KMT2E: variants seen among roughly 807,000 people sequenced by gnomAD.
KMT2E encodes the protein histone reader KMT2E.
Under a neutral mutation model 184.6 loss-of-function variants are expected in KMT2E, and 30 were observed. That is an observed-to-expected ratio of 0.16 (90% confidence interval 0.12 to 0.22). The LOEUF (loss-of-function observed/expected upper bound fraction) is 0.22. KMT2E is among the 10% of genes least tolerant of loss of function. The pLI, the probability that KMT2E is intolerant of heterozygous loss-of-function variation, is 1.00. For synonymous variants in KMT2E, 815 were observed against 776.5 expected, an observed-to-expected ratio of 1.05 and a Z score of -0.82; for missense variants, 2,023 against 2,237.4, an observed-to-expected ratio of 0.90 and a Z score of 1.93.
Position 105,040,912 on chromosome 7 carries a change from A to C in KMT2E, c.-41A>C, listed in dbSNP as rs763720103. The C allele has an allele frequency of 2.0e-6, 3 of 1,504,600 alleles. No individual in the cohort carries two copies. In the South Asian group the frequency reaches 3.4e-5, roughly 17 times the overall value. The allele number at this position is 1,504,600 out of a possible 1,614,324, so 93.2% of individuals were successfully genotyped here. A position where few individuals can be genotyped will look rare whatever the true frequency, so the allele number is the denominator to read the frequency against. ...GCCCCAGTGTTTTGGATACCAATGCATAGGACTCCATAGTAATCGAATTTA... is the reference window on the plus strand; with the variant it reads ...GCCCCAGTGTTTTGGATACCAATGCCTAGGACTCCATAGTAATCGAATTTA... On this transcript the variant is annotated 5_prime_UTR_variant, in exon 3 of 27. Coordinates refer to ENST00000311117, the MANE Select transcript of KMT2E (RefSeq NM_182931.3).
chr7:105,020,092 A>C (rs1425429504), intron 1 of KMT2E, among the ~76,000 whole-genome samples: 1 of 147,428 alleles, frequency 6.8e-6, no homozygotes, highest in African/African-American at 2.5e-5. Flanking sequence ...TGGGCGATAG[A>C]GTGAGACTCT....
chr7:105,033,004 G>C (rs1192551755), intron 1 of KMT2E, among the ~76,000 whole-genome samples: 1 of 152,188 alleles, frequency 6.6e-6, no homozygotes, highest in Non-Finnish European at 1.5e-5. Context: ...ATAGGTGAGA[G>C]GGTGTACAGG....
intron 5 of KMT2E, chr7:105,063,784 AC>A: frequency 1.8e-6 from 1 of 551,060 alleles, no homozygotes; most frequent in Non-Finnish European, 3.2e-6. Flanking sequence ...TGAGTAATAG[AC>A]AGTCAGTTCT....
rs1219590013 is a variant in KMT2E, at chr7:105,109,192, C to G, written c.3719C>G (p.Ala1240Gly). 1 of 1,613,890 alleles carries G rather than the reference C, an allele frequency of 6.2e-7. No homozygotes were observed. Among genetic ancestry groups the G allele is most frequent in the Non-Finnish European group, 8.5e-7 (1 of 1,179,962 alleles). Reference protein sequence around the residue: ...ETSNNCPVKDATASEKNEPEV... With the variant: ...ETSNNCPVKDGTASEKNEPEV... ...AGCAATAACTGCCCTGTTAAGGATG[C>G]TACTGCTAGTGAGAAGAATGAACCA... is the stretch of plus-strand genomic sequence containing the variant. Residue 1240 changes from alanine (A) to glycine (G), a missense_variant, in exon 23 of 27, where the codon GCT becomes GGT. Transcript: ENST00000311117.
intron 13 of KMT2E, among the ~76,000 whole-genome samples, chr7:105,088,998 G>A (rs1753090224): frequency 6.6e-6 from 1 of 152,094 alleles, no homozygotes; most frequent in Non-Finnish European, 1.5e-5. Flanking sequence ...TCTTATGTAG[G>A]TCACATTTCA....
chr7:105,062,351 G>T, intron 4 of KMT2E, 73 bp downstream of exon 4: 1 of 879,386 alleles, frequency 1.1e-6, no homozygotes, highest in East Asian at 2.6e-5. Context: ...GTGATACTGT[G>T]CTTGAAACGG....
rs886841755 is a variant in KMT2E, at chr7:105,014,453, C to T, written c.-271C>T. 2.0e-5 allele frequency: 3 copies of T among 153,192 alleles called. No homozygotes were observed. Among genetic ancestry groups the T allele is most frequent in the African/African-American group, 7.3e-5 (3 of 41,300 alleles). The allele number at this position is 153,192 out of a possible 1,614,324, so 9.5% of individuals were successfully genotyped here. ...TCCGCAGTGGCTGCTGTCGGGGGGT[C>T]GCCTGTTCGCGGAGGTGCGGAGAGA... On this transcript the variant is annotated 5_prime_UTR_variant, in exon 1 of 27. Coordinates refer to ENST00000311117, the MANE Select transcript of KMT2E (RefSeq NM_182931.3).
At chr7:105,033,882 G>A (rs944372229) in intron 1 of KMT2E, among the ~76,000 whole-genome samples, 1 of 152,150 alleles carries the variant, frequency 6.6e-6, no homozygotes, top group African/African-American at 2.4e-5. Context: ...AATCAAAAGG[G>A]AAATGGGCAC....
At chr7:105,076,002 A>G (rs190973716) in intron 8 of KMT2E, 41 bp from the exon 9 acceptor site, 1 of 1,467,504 alleles carries the variant, frequency 6.8e-7, no homozygotes, top group South Asian at 1.2e-5. Context: ...AATTATGTCC[A>G]GTTTTTTAGG....
intron 3 of KMT2E, among the ~76,000 whole-genome samples, chr7:105,058,275 T>G (rs1418997043): frequency 2.6e-5 from 4 of 152,186 alleles, no homozygotes; most frequent in African/African-American, 9.7e-5. Flanking sequence ...TGGGACTGTG[T>G]GCTTCTTATC....
At chr7:105,102,683 G>T (rs1798705906) in intron 17 of KMT2E, 2 of 153,658 alleles carry the variant, frequency 1.3e-5, no homozygotes, top group Admixed American at 1.3e-4. Flanking sequence ...TAAACAGCCT[G>T]AGCTTTTTCA....
chr7:105,106,107 A>G (rs1165319621), intron 19 of KMT2E, 104 bp downstream of exon 19: 1 of 1,153,668 alleles, frequency 8.7e-7, no homozygotes, highest in Non-Finnish European at 1.2e-6. Flanking sequence ...TTTAGAAGAG[A>G]AGCACATTGG....
intron 6 of KMT2E, among the ~76,000 whole-genome samples, chr7:105,070,479 C>G (rs1181350589): frequency 6.6e-6 from 1 of 151,236 alleles, no homozygotes; most frequent in Non-Finnish European, 1.5e-5. Context: ...AAAAAAAATA[C>G]AAAAATTAGC....
In KMT2E at chr7:105,113,004, T is replaced by C; in HGVS notation, c.5248T>C (p.Phe1750Leu). 6.2e-7 allele frequency: 1 copy of C among 1,614,068 alleles called. No individual in the cohort carries two copies. The highest frequency in any genetic ancestry group is 1.1e-5 in the South Asian group (1 of 91,060). Reference sequence around the variant, plus strand: ...CCCACCTCATCAAGGACCTCCACTTTTTCCTTCGAGTGCTCATCCAACTGT... The same window carrying C: ...CCCACCTCATCAAGGACCTCCACTTCTTCCTTCGAGTGCTCATCCAACTGT... The part of the protein sequence containing the change: ...HHPPHQGPPL[F>L]PSSAHPTVPP... Residue 1750 changes from phenylalanine (F) to leucine (L), a missense_variant, in exon 27 of 27, where the codon TTT (phenylalanine) becomes CTT (leucine). Physicochemically the swap from Phe to Leu is conservative, Grantham distance 22. Coordinates refer to ENST00000311117, the MANE Select transcript of KMT2E (RefSeq NM_182931.3).
In KMT2E at chr7:105,063,445, C is replaced by T. The variant is rs755868274; in HGVS notation, c.281C>T (p.Thr94Ile). Residue 94 changes from threonine to isoleucine, a missense_variant, in exon 5 of 27, where the codon ACT (threonine) becomes ATT (isoleucine). Physicochemically the swap from Thr to Ile is moderately conservative, Grantham distance 89. Around this residue, in one of 8 missense-constraint regions of KMT2E, gnomAD observed 48 missense variants for 51.5 expected, o/e 0.93. Coordinates refer to ENST00000311117, the MANE Select transcript of KMT2E (RefSeq NM_182931.3). The stretch of plus-strand genomic sequence containing the variant: ...AAAAATGAAGTAGGCATATTTACCA[C>T]TCCTAATTTTGATGAAACTTCCAGT... ...ISKNEVGIFT[T>I]PNFDETSSAT... The T allele has an allele frequency of 7.4e-6, 12 of 1,613,686 alleles. No homozygotes were observed. In the African/African-American group the frequency reaches 9.3e-5, roughly 13 times the overall value.
At position 105,073,677 on chromosome 7, in the gene KMT2E, G is replaced by A; in HGVS notation, c.556G>A (p.Asp186Asn). The A allele has an allele frequency of 6.3e-7, 1 of 1,593,010 alleles. No individual in the cohort carries two copies. The highest frequency in any genetic ancestry group is 8.6e-7 in the Non-Finnish European group (1 of 1,161,404). The change falls in exon 7 of 27, where the codon GAT becomes AAT. Residue 186 changes from aspartate to asparagine, a missense_variant and splice_region_variant. Transcript: ENST00000311117. ...ACGCCGGAAAAGGGAAAATATGTCA[G>A]GTAGGTAAAAAGGACCTACACTAAA... is the stretch of plus-strand genomic sequence containing the variant. ...LQRRKRENMS[D>N]GDTSATESGD...
chr7:105,059,264 T>C (rs1796694504), intron 3 of KMT2E, among the ~76,000 whole-genome samples: 1 of 152,182 alleles, frequency 6.6e-6, no homozygotes, highest in Admixed American at 6.5e-5. Context: ...TTTAGTAACA[T>C]GTTTTGCAGA....
chr7:105,025,658 T>G (rs1311868201), intron 1 of KMT2E, among the ~76,000 whole-genome samples: 2 of 152,194 alleles, frequency 1.3e-5, no homozygotes, highest in Non-Finnish European at 2.9e-5. Flanking sequence ...GTTATAGGTT[T>G]CTTCCCAAAT....
chr7:105,046,937 C>G (rs1430871491), intron 3 of KMT2E, among the ~76,000 whole-genome samples: 1 of 152,204 alleles, frequency 6.6e-6, no homozygotes, highest in Non-Finnish European at 1.5e-5. Context: ...GAAGGACTCA[C>G]AGGATCCAGA....
Sources: allele counts gnomAD v4.1 joint callset (sites outside exome capture counted in the v4.1 genomes callset), GRCh38; gene constraint gnomAD v4.1.1; regional missense constraint gnomAD v4.1.1; transcripts MANE v1.5; gene names NCBI Gene and HGNC (gene_info 2026-07-23, HGNC 2026-07-21).